TARS1: variants seen among roughly 807,000 people sequenced by gnomAD.
The protein encoded by TARS1 is threonine--tRNA ligase 1, cytoplasmic.
In TARS1, 57 loss-of-function variants were observed where a neutral mutation model predicts 97.7. The observed-to-expected ratio is 0.58, with a 90% CI of 0.47 to 0.73. TARS1 has a LOEUF of 0.73. TARS1 is among the 30% of genes least tolerant of loss of function. The probability of loss-of-function intolerance (pLI) is 0.00; values close to 1 mark genes in which losing one functional copy is unlikely to be tolerated. For missense variants in TARS1, 806 were observed against 888.3 expected (o/e 0.91, Z 1.18); for synonymous variants, 312 against 293.7 (o/e 1.06, Z -0.64).
At chr5:33,450,023 T>C (rs1274309364) in intron 3 of TARS1, among the ~76,000 whole-genome samples, 2 of 152,182 alleles carry the variant, frequency 1.3e-5, no homozygotes, top group African/African-American at 4.8e-5. Flanking sequence ...TTACATTATC[T>C]TAACACATAC....
At chr5:33,463,678 A>G in intron 16 of TARS1, 75 bp from the exon 17 acceptor site, 1 of 1,279,294 alleles carries the variant, frequency 7.8e-7, no homozygotes. Context: ...ACTGAAGAGT[A>G]GAGTAAGAAA....
chr5:33,460,173 C>T (rs535539249), intron 11 of TARS1, among the ~76,000 whole-genome samples: 13 of 152,110 alleles, frequency 8.5e-5, no homozygotes, highest in African/African-American at 2.4e-4. Flanking sequence ...GGTCTTGCCA[C>T]GTTGCTCAGC....
At chr5:33,451,316 A>C (rs1741720061) in intron 3 of TARS1, among the ~76,000 whole-genome samples, 1 of 152,196 alleles carries the variant, frequency 6.6e-6, no homozygotes. Flanking sequence ...AGGGAAGGAC[A>C]AAAAAGACAT....
intron 2 of TARS1, among the ~76,000 whole-genome samples, chr5:33,447,407 T>C (rs1029421105): frequency 1.3e-5 from 2 of 152,084 alleles, no homozygotes; most frequent in Non-Finnish European, 2.9e-5. Context: ...CCACCACACC[T>C]GGCTAATTTT....
intron 1 of TARS1, among the ~76,000 whole-genome samples, chr5:33,443,793 C>A (rs1232829220): frequency 6.6e-6 from 1 of 152,156 alleles, no homozygotes; most frequent in African/African-American, 2.4e-5. Context: ...CCGCGCCCAG[C>A]CGCAATTTTT....
intron 1 of TARS1, among the ~76,000 whole-genome samples, chr5:33,443,529 G>A (rs560864887): frequency 2.2e-4 from 26 of 118,448 alleles, no homozygotes; most frequent in African/African-American, 8.7e-4. Flanking sequence ...GTCTTGCTCT[G>A]TCTCCCAGGC....
rs1561073383 is a variant in TARS1 at position 33,455,028 on chromosome 5, A to G, written c.537A>G (p.Ile179Met). 2 of 1,613,924 alleles carry G rather than the reference A, an allele frequency of 1.2e-6. 1 individual carries two copies. The highest frequency in any genetic ancestry group is 2.2e-5 in the South Asian group (2 of 91,072). Residue 179 changes from isoleucine (I) to methionine (M), a missense_variant, in exon 5 of 19, where the codon ATA (isoleucine) becomes ATG (methionine). Ile to Met is a conservative substitution (Grantham distance 10, BLOSUM62 1). Around this residue, in one of 3 missense-constraint regions of TARS1, gnomAD observed 356 missense variants for 357.8 expected, o/e 0.99. Coordinates refer to ENST00000265112, the MANE Select transcript of TARS1 (RefSeq NM_152295.5). Reference protein sequence around the residue: ...YGGCLCYGPPIENGFYYDMYL... With the variant: ...YGGCLCYGPPMENGFYYDMYL... ...GATGTTTATGCTACGGTCCGCCAAT[A>G]GAAAATGGATTCTATTATGACATGT...
At chr5:33,440,939 T>G, upstream of TARS1, 1 of 837,298 alleles carries the variant, frequency 1.2e-6, no homozygotes, top group Non-Finnish European at 1.9e-6. Flanking sequence ...CCGCCGCAAG[T>G]TGGGGGCGGG....
rs771610484 is a variant in TARS1 at position 33,467,708 on chromosome 5, A to G, written c.2172A>G (p.Ter724=). The G allele has an allele frequency of 3.7e-6, 6 of 1,608,496 alleles. No homozygotes were observed. The South Asian group carries it at 6.7e-5, about 18-fold the overall frequency. Residue 724 remains the stop codon, a stop_retained_variant, in exon 19 of 19, where the codon TAA becomes TAG. Coordinates refer to ENST00000265112, the MANE Select transcript of TARS1 (RefSeq NM_152295.5). ...GCAAACAGGCAGAAGAAGAATTTTAATGAAAAAATTACCCAGATTGGCTCC... is the reference window on the plus strand; with the variant it reads ...GCAAACAGGCAGAAGAAGAATTTTAGTGAAAAAATTACCCAGATTGGCTCC... The part of the protein sequence containing the change: ...FRSKQAEEEF[*]
At chr5:33,456,310 A>G in intron 8 of TARS1, 83 bp downstream of exon 8, 2 of 1,117,094 alleles carry the variant, frequency 1.8e-6, no homozygotes, top group Non-Finnish European at 2.6e-6. Flanking sequence ...TCTCTTTACC[A>G]TTTTCTGTTG....
chr5:33,467,456 TG>T, intron 18 of TARS1, 103 bp from the exon 19 acceptor site: 1 of 1,279,630 alleles, frequency 7.8e-7, no homozygotes, highest in Non-Finnish European at 1.1e-6. Flanking sequence ...TCAGAAGCTA[TG>T]GGGTAGGTTT....
chr5:33,442,369 T>C (rs1005127599), intron 1 of TARS1, among the ~76,000 whole-genome samples: 3 of 150,128 alleles, frequency 2.0e-5, no homozygotes, highest in Non-Finnish European at 4.4e-5. Context: ...TCAACAACTT[T>C]CCATGTCCAT....
chr5:33,449,035 T>C (rs1741570245), intron 3 of TARS1, among the ~76,000 whole-genome samples: 3 of 152,222 alleles, frequency 2.0e-5, no homozygotes, highest in Non-Finnish European at 2.9e-5. Flanking sequence ...CTATTTCGAC[T>C]TAAATGTCTT....
At chr5:33,462,051 A>C (rs1415559768) in intron 15 of TARS1, 45 bp downstream of exon 15, 4 of 1,598,968 alleles carry the variant, frequency 2.5e-6, no homozygotes, top group Non-Finnish European at 3.4e-6. Flanking sequence ...GGGATATATA[A>C]GAGAAAATAT....
intron 17 of TARS1, 93 bp from the exon 18 acceptor site, chr5:33,466,778 G>A: frequency 1.3e-6 from 1 of 756,226 alleles, no homozygotes; most frequent in Non-Finnish European, 2.0e-6. Context: ...GTTCATCCAA[G>A]AAGTCCTGAT....
chr5:33,447,654 T>C (rs1406213674), intron 2 of TARS1, among the ~76,000 whole-genome samples: 1 of 152,220 alleles, frequency 6.6e-6, no homozygotes. Context: ...ATTATCAACA[T>C]TGAATAAATG....
chr5:33,443,475 C>CTTTTTTTTT (rs199902596), intron 1 of TARS1, among the ~76,000 whole-genome samples: 5 of 130,326 alleles, frequency 3.8e-5, no homozygotes, highest in Admixed American at 7.8e-5. Context: ...ATTTTTCTTT[C>CTTTTTTTTT]TTTTTTTTTT....
At chr5:33,460,297 G>T (rs1742230774) in intron 11 of TARS1, among the ~76,000 whole-genome samples, 2 of 152,180 alleles carry the variant, frequency 1.3e-5, no homozygotes, top group African/African-American at 4.8e-5. Flanking sequence ...TGGGCATTCA[G>T]TAATGGTACT....
At chr5:33,458,204 T>C (rs1333242560) in intron 9 of TARS1, among the ~76,000 whole-genome samples, 1 of 152,106 alleles carries the variant, frequency 6.6e-6, no homozygotes, top group East Asian at 1.9e-4. Context: ...AATACATACA[T>C]AAATAAAATG....
Sources: allele counts gnomAD v4.1 joint callset (sites outside exome capture counted in the v4.1 genomes callset), GRCh38; gene constraint gnomAD v4.1.1; regional missense constraint gnomAD v4.1.1; transcripts MANE v1.5; gene names NCBI Gene and HGNC (gene_info 2026-07-23, HGNC 2026-07-21).